DLC1: variants seen among roughly 807,000 people sequenced by gnomAD.
The protein encoded by DLC1 is DLC1 Rho GTPase activating protein.
DLC1 carries 54 observed loss-of-function variants against 140.3 expected under a neutral mutation model. The observed-to-expected ratio is 0.38, with a 90% CI of 0.31 to 0.48. The LOEUF is 0.48. Among genes scored for constraint, DLC1 ranks in the 20% least tolerant of loss-of-function variants. The pLI, the probability that DLC1 is intolerant of heterozygous loss-of-function variation, is 0.96. For synonymous variants in DLC1, 986 were observed against 728.1 expected (o/e 1.35, Z -5.70); for missense variants, 2,536 against 1,907.0 (o/e 1.33, Z -6.14).
chr8:13,462,560 C>T lies in DLC1; in HGVS notation c.1023+36489G>A, dbSNP rs546406995. ...GTGGGACTACAGGTGTCCGCCACCACGCCCAGCTATTTTTTTTTGTATTTT... is the reference window on the plus strand; with the variant it reads ...GTGGGACTACAGGTGTCCGCCACCATGCCCAGCTATTTTTTTTTGTATTTT... On this transcript the variant is annotated intron_variant, in intron 2 of 17. Coordinates refer to ENST00000276297, the MANE Select transcript of DLC1 (RefSeq NM_182643.3). Among the ~76,000 whole-genome samples, 246 of 128,730 alleles carry T rather than the reference C, an allele frequency of 1.9e-3. 3 individuals are homozygous for T. Among genetic ancestry groups the T allele is most frequent in the Admixed American group, 0.017 (221 of 12,738 alleles). The allele number at this position is 128,730 out of a possible 152,430, so 84.5% of individuals were successfully genotyped here.
intron 1 of DLC1, among the ~76,000 whole-genome samples, chr8:13,600,246 T>G (rs1585319522): frequency 1.3e-5 from 2 of 152,026 alleles, no homozygotes; most frequent in South Asian, 2.1e-4. Context: ...AGTCTTTTAT[T>G]TAACTTATAA....
chr8:13,243,960 C>T (rs1829649390), intron 5 of DLC1, among the ~76,000 whole-genome samples: 1 of 152,290 alleles, frequency 6.6e-6, no homozygotes, highest in South Asian at 2.1e-4. Context: ...GCACCTCATA[C>T]TCACTCTTTT....
chr8:13,209,786 T>A (rs1443969283), intron 5 of DLC1, among the ~76,000 whole-genome samples: 3 of 152,188 alleles, frequency 2.0e-5, no homozygotes, highest in Non-Finnish European at 2.9e-5. Flanking sequence ...CCCCTTCACC[T>A]TCTGCCATGA....
intron 13 of DLC1, 73 bp downstream of exon 13, chr8:13,092,539 C>A: frequency 1.3e-6 from 2 of 1,516,472 alleles, no homozygotes; most frequent in African/African-American, 1.4e-5. Flanking sequence ...TCCCACAAAA[C>A]CACAGCTACG....
At chr8:13,415,902 C>G (rs1228488458) in intron 2 of DLC1, among the ~76,000 whole-genome samples, 1 of 152,116 alleles carries the variant, frequency 6.6e-6, no homozygotes, top group African/African-American at 2.4e-5. Flanking sequence ...AGAAGTCCAA[C>G]TGATGTTCTT....
At chr8:13,171,167 T>C (rs1286418197) in intron 5 of DLC1, among the ~76,000 whole-genome samples, 1 of 152,124 alleles carries the variant, frequency 6.6e-6, no homozygotes, top group Non-Finnish European at 1.5e-5. Context: ...AATTAGAGAT[T>C]TGGGCAAGAA....
chr8:13,504,134 T>G (rs1801945555), intron 1 of DLC1, among the ~76,000 whole-genome samples: 1 of 151,134 alleles, frequency 6.6e-6, no homozygotes, highest in Non-Finnish European at 1.5e-5. Context: ...TTTTTTTTTT[T>G]TTTTTTTTTA....
intron 4 of DLC1, among the ~76,000 whole-genome samples, chr8:13,332,659 C>A (rs1833646258): frequency 6.6e-6 from 1 of 152,062 alleles, no homozygotes; most frequent in Non-Finnish European, 1.5e-5. Context: ...TCTCGAACTC[C>A]TGACCTCAAG....
At chr8:13,221,818 TATAAA>T (rs1052187334) in intron 5 of DLC1, among the ~76,000 whole-genome samples, 1 of 144,708 alleles carries the variant, frequency 6.9e-6, no homozygotes, top group African/African-American at 2.5e-5. Flanking sequence ...ATACATATAT[TATAAA>T]ATACATCAAA....
chr8:13,183,337 A>G (rs1465795792), intron 5 of DLC1, among the ~76,000 whole-genome samples: 3 of 152,186 alleles, frequency 2.0e-5, no homozygotes, highest in Non-Finnish European at 4.4e-5. Flanking sequence ...CCCTGGCCAG[A>G]ACTTCCAACA....
chr8:13,205,063 A>G (rs887159407), intron 5 of DLC1, among the ~76,000 whole-genome samples: 1 of 152,192 alleles, frequency 6.6e-6, no homozygotes, highest in Non-Finnish European at 1.5e-5. Flanking sequence ...AGGCTATTAT[A>G]GACCAGATGG....
chr8:13,095,454 C>G (rs528280190), intron 10 of DLC1: 5 of 605,914 alleles, frequency 8.3e-6, no homozygotes, highest in South Asian at 7.9e-5. Context: ...TGCTCAGTAC[C>G]TACTGTATTG....
chr8:13,379,181 C>A (rs1186696482), intron 4 of DLC1, among the ~76,000 whole-genome samples: 1 of 152,068 alleles, frequency 6.6e-6, no homozygotes, highest in South Asian at 2.1e-4. Flanking sequence ...ATCCTTGGGG[C>A]CTGTTTCCTG....
intron 5 of DLC1, among the ~76,000 whole-genome samples, chr8:13,121,196 A>G (rs759977092): frequency 1.3e-5 from 2 of 152,190 alleles, no homozygotes; most frequent in Non-Finnish European, 2.9e-5. Flanking sequence ...GCAAAGATTC[A>G]TGGAAAAGTT....
chr8:13,215,828 G>C (rs946017214), intron 5 of DLC1, among the ~76,000 whole-genome samples: 1 of 152,018 alleles, frequency 6.6e-6, no homozygotes, highest in African/African-American at 2.4e-5. Context: ...CATTAGATAG[G>C]ACTAGTGCGC....
chr8:13,340,064 GC>G (rs1032364104), intron 4 of DLC1: 9 of 152,220 alleles, frequency 5.9e-5, no homozygotes, highest in African/African-American at 2.2e-4. Context: ...AGTGGGGTGG[GC>G]TTGGGCGTTA....
chr8:13,453,387 G>GATATATATATATATGTGTATATAT (rs1554522997), intron 2 of DLC1, among the ~76,000 whole-genome samples: 1 of 52,448 alleles, frequency 1.9e-5, no homozygotes. Context: ...GATGGCCCAG[G>GATATATATATATATGTGTATATAT]ATATATATAT....
intron 1 of DLC1, among the ~76,000 whole-genome samples, chr8:13,560,768 G>C (rs58480629): frequency 1.1e-4 from 17 of 149,604 alleles, no homozygotes; most frequent in East Asian, 5.9e-4. Context: ...GTGTCCCTGT[G>C]GGGGGGGAGG....
chr8:13,144,573 G>A (rs1656898404), intron 5 of DLC1, among the ~76,000 whole-genome samples: 1 of 152,060 alleles, frequency 6.6e-6, no homozygotes, highest in Non-Finnish European at 1.5e-5. Flanking sequence ...AGAACATCCT[G>A]GCTAACACAG....
Sources: gnomAD v4.1 joint callset for allele counts (sites outside exome capture counted in the v4.1 genomes callset) on GRCh38, gnomAD v4.1.1 for gene constraint, MANE v1.5 for transcripts, NCBI Gene and HGNC (gene_info 2026-07-23, HGNC 2026-07-21) for gene names.